CSMD2: variants seen among roughly 807,000 people sequenced by gnomAD.
The protein encoded by CSMD2 is CUB and sushi domain-containing protein 2.
CSMD2 carries 130 observed loss-of-function variants against 398.5 expected under a neutral mutation model. That is an observed-to-expected ratio of 0.33 (90% CI 0.28 to 0.38). The LOEUF (loss-of-function observed/expected upper bound fraction) is 0.38. Among genes scored for constraint, CSMD2 ranks in the 10% least tolerant of loss-of-function variants. The probability of loss-of-function intolerance (pLI) is 1.00; values close to 1 mark genes in which losing one functional copy is unlikely to be tolerated. For missense variants in CSMD2, 3,829 were observed against 4,764.9 expected, an observed-to-expected ratio of 0.80 and a Z score of 5.78; for synonymous variants, 1,828 against 1,908.5, an observed-to-expected ratio of 0.96 and a Z score of 1.10.
At chr1:33,959,726 G>C (rs1219592457) in intron 3 of CSMD2, among the ~76,000 whole-genome samples, 1 of 152,124 alleles carries the variant, frequency 6.6e-6, no homozygotes, top group Non-Finnish European at 1.5e-5. Flanking sequence ...ACATCTTTCA[G>C]GTCTCTTTTC....
rs751270197 is a variant in CSMD2 at position 33,550,259 on chromosome 1, G to A, written c.8835C>T (p.Ile2945=). 35 of 1,614,094 alleles carry A rather than the reference G, an allele frequency of 2.2e-5. No homozygotes were observed. The highest frequency in any genetic ancestry group is 4.0e-5 in the African/African-American group (3 of 74,940). The change falls in exon 56 of 71, where the codon ATC becomes ATT. Residue 2945 remains isoleucine (I), a synonymous_variant. Transcript: ENST00000373381. ...TVGAVVRYSC[I]GKRTLVGNST... ...TGTTTCCCACCAGAGTACGCTTGCC[G>A]ATGCAGCTGTACCGCACCACTGCTC...
chr1:33,674,714 A>C (rs1156527163), intron 25 of CSMD2, among the ~76,000 whole-genome samples: 4 of 152,124 alleles, frequency 2.6e-5, no homozygotes, highest in Non-Finnish European at 4.4e-5. Flanking sequence ...GGAAGTAAAG[A>C]ACTCCTCAGC....
chr1:33,910,517 C>G (rs1343355309), intron 5 of CSMD2, among the ~76,000 whole-genome samples: 1 of 152,204 alleles, frequency 6.6e-6, no homozygotes, highest in African/African-American at 2.4e-5. Flanking sequence ...GGCTTCCACT[C>G]CCAGCCTGAG....
intron 1 of CSMD2, among the ~76,000 whole-genome samples, chr1:34,138,807 CCTTT>C (rs143040704): frequency 0.025 from 3,736 of 152,302 alleles, 64 homozygotes; most frequent in African/African-American, 0.039. Context: ...AGCATATACT[CCTTT>C]TTTTGAAACA....
At chr1:33,973,000 G>A (rs984666228) in intron 3 of CSMD2, among the ~76,000 whole-genome samples, 1 of 152,158 alleles carries the variant, frequency 6.6e-6, no homozygotes, top group Non-Finnish European at 1.5e-5. Flanking sequence ...GTTCAGAGAG[G>A]GTAAGCCATC....
rs1007049273 is a variant in CSMD2, at chr1:34,121,144, C to T, written c.188-31951G>A. 2.4e-4 allele frequency among the ~76,000 whole-genome samples: 37 copies of T among 152,016 alleles called. 1 individual carries two copies. The highest frequency in any genetic ancestry group is 2.0e-4 in the Admixed American group (3 of 15,252). On this transcript the variant is annotated intron_variant, in intron 1 of 70. Coordinates refer to ENST00000373381, the MANE Select transcript of CSMD2 (RefSeq NM_001281956.2). ...AATGAATAGTTGTTGAATGAATGAG[C>T]GAATGTGGAGGTTAGGAGAGCCAAA... is the stretch of plus-strand genomic sequence containing the variant.
At chr1:33,645,420 T>A (rs2148945539) in intron 29 of CSMD2, among the ~76,000 whole-genome samples, 1 of 151,784 alleles carries the variant, frequency 6.6e-6, no homozygotes, top group African/African-American at 2.4e-5. Flanking sequence ...GTATAAAATA[T>A]CTTTTAATCT....
intron 2 of CSMD2, among the ~76,000 whole-genome samples, chr1:34,074,149 C>T (rs1656052637): frequency 6.6e-6 from 1 of 152,246 alleles, no homozygotes; most frequent in Non-Finnish European, 1.5e-5. Flanking sequence ...TTGGAGATTA[C>T]AATCCAACAC....
chr1:34,151,644 C>T (rs1350688799), intron 1 of CSMD2, among the ~76,000 whole-genome samples: 3 of 152,094 alleles, frequency 2.0e-5, no homozygotes, highest in African/African-American at 7.2e-5. Flanking sequence ...GCGGAAGGAA[C>T]AAAAGGTTGA....
intron 2 of CSMD2, among the ~76,000 whole-genome samples, chr1:34,071,411 T>A (rs1355059857): frequency 6.6e-6 from 1 of 152,258 alleles, no homozygotes; most frequent in Admixed American, 6.5e-5. Flanking sequence ...TAAGTTTACA[T>A]AAAAGTTTAT....
chr1:33,749,092 CTTTT>C (rs72469561), intron 13 of CSMD2, among the ~76,000 whole-genome samples: 1 of 87,808 alleles, frequency 1.1e-5, no homozygotes, highest in Non-Finnish European at 2.0e-5. Flanking sequence ...ATACAGACTT[CTTTT>C]TTTTTTTTTT....
chr1:33,543,197 AT>A (rs1191591147), intron 57 of CSMD2, among the ~76,000 whole-genome samples: 3 of 152,078 alleles, frequency 2.0e-5, no homozygotes, highest in African/African-American at 7.2e-5. Flanking sequence ...TCAGTGCTTG[AT>A]TTTCCTCAGT....
chr1:34,076,263 G>T (rs1656315705), intron 2 of CSMD2, among the ~76,000 whole-genome samples: 1 of 152,216 alleles, frequency 6.6e-6, no homozygotes, highest in Non-Finnish European at 1.5e-5. Context: ...GGAAACTGAG[G>T]CTTGAATGGG....
At chr1:34,034,760 G>A (rs1291445747) in intron 2 of CSMD2, among the ~76,000 whole-genome samples, 3 of 152,042 alleles carry the variant, frequency 2.0e-5, no homozygotes, top group Non-Finnish European at 4.4e-5. Context: ...GGAAAATATT[G>A]ATTAATAACT....
intron 5 of CSMD2, among the ~76,000 whole-genome samples, chr1:33,890,110 A>G (rs1271771899): frequency 6.6e-6 from 1 of 151,956 alleles, no homozygotes; most frequent in Admixed American, 6.6e-5. Flanking sequence ...GTTTTTCTCA[A>G]TTTTCTAAAT....
At chr1:33,894,509 C>A (rs1187504513) in intron 5 of CSMD2, among the ~76,000 whole-genome samples, 2 of 152,104 alleles carry the variant, frequency 1.3e-5, no homozygotes, top group Non-Finnish European at 2.9e-5. Flanking sequence ...TCCCTCATTC[C>A]TTGGGTGGGA....
intron 15 of CSMD2, among the ~76,000 whole-genome samples, chr1:33,738,017 G>C (rs923411020): frequency 2.0e-5 from 3 of 151,876 alleles, no homozygotes; most frequent in Non-Finnish European, 4.4e-5. Context: ...TGCCCACCTG[G>C]ACTGCTTGCC....
chr1:33,812,423 T>C (rs1041079351), intron 9 of CSMD2, among the ~76,000 whole-genome samples: 2 of 152,246 alleles, frequency 1.3e-5, no homozygotes, highest in African/African-American at 4.8e-5. Context: ...AAGAATCTGT[T>C]CAATCAAGTT....
At chr1:33,678,861 T>A (rs1349156834) in intron 25 of CSMD2, among the ~76,000 whole-genome samples, 2 of 152,166 alleles carry the variant, frequency 1.3e-5, no homozygotes, top group African/African-American at 4.8e-5. Context: ...AATAAAAGAT[T>A]CTTTGGTTAT....
Sources: allele counts gnomAD v4.1 joint callset (sites outside exome capture counted in the v4.1 genomes callset), GRCh38; gene constraint gnomAD v4.1.1; transcripts MANE v1.5; gene names NCBI Gene and HGNC (gene_info 2026-07-23, HGNC 2026-07-21).